Variants in DNAH11 observed in about 807,000 individuals in gnomAD.
DNAH11 encodes axonemal beta dynein heavy chain 11.
Under a neutral mutation model 526.0 loss-of-function variants are expected in DNAH11, and 442 were observed. The observed-to-expected ratio is 0.84, with a 90% CI of 0.78 to 0.91. The LOEUF (loss-of-function observed/expected upper bound fraction) is 0.91. DNAH11 is among the 40% of genes least tolerant of loss of function. DNAH11 has a pLI of 0.00. For missense variants in DNAH11, 6,989 were observed against 5,448.7 expected (o/e 1.28, Z -8.90); for synonymous variants, 2,461 against 1,935.9 (o/e 1.27, Z -7.12).
chr7:21,660,730 CAT>C (rs756263027), intron 30 of DNAH11, among the ~76,000 whole-genome samples: 11 of 151,834 alleles, frequency 7.2e-5, no homozygotes, highest in African/African-American at 2.4e-4. Context: ...TAGGTATAAA[CAT>C]GTATAAATCT....
intron 55 of DNAH11, among the ~76,000 whole-genome samples, chr7:21,766,810 T>C (rs2127974382): frequency 6.6e-6 from 1 of 152,204 alleles, no homozygotes; most frequent in Non-Finnish European, 1.5e-5. Flanking sequence ...TTTAGTCTTT[T>C]CCTGAAATGT....
intron 65 of DNAH11, among the ~76,000 whole-genome samples, chr7:21,823,853 A>C (rs1790158335): frequency 6.6e-6 from 1 of 152,228 alleles, no homozygotes; most frequent in Non-Finnish European, 1.5e-5. Flanking sequence ...ACTAAAAAGC[A>C]GGAACTCCGA....
At chr7:21,673,434 T>C (rs1289461218) in intron 30 of DNAH11, among the ~76,000 whole-genome samples, 4 of 152,192 alleles carry the variant, frequency 2.6e-5, no homozygotes, top group Non-Finnish European at 5.9e-5. Flanking sequence ...GTCAGTGCTT[T>C]TATTATCTGC....
intron 76 of DNAH11, among the ~76,000 whole-genome samples, chr7:21,885,150 G>A (rs188446194): frequency 3.5e-3 from 391 of 111,226 alleles, no homozygotes; most frequent in African/African-American, 0.011. Flanking sequence ...ACCTTATTTG[G>A]ATCTTGTTCC....
chr7:21,606,222 C>G (rs1785274266), intron 18 of DNAH11, among the ~76,000 whole-genome samples: 1 of 151,876 alleles, frequency 6.6e-6, no homozygotes, highest in Non-Finnish European at 1.5e-5. Flanking sequence ...ACTGGGGAGA[C>G]TGAGCTGGGA....
intron 65 of DNAH11, among the ~76,000 whole-genome samples, chr7:21,828,995 C>T (rs753458798): frequency 1.3e-5 from 2 of 152,066 alleles, no homozygotes; most frequent in Admixed American, 6.6e-5. Flanking sequence ...AACCTTTCTT[C>T]GGGAAATGGG....
intron 22 of DNAH11, among the ~76,000 whole-genome samples, chr7:21,617,331 C>A (rs144313857): frequency 6.2e-4 from 94 of 152,286 alleles, no homozygotes; most frequent in African/African-American, 2.2e-3. Flanking sequence ...CTTCATTGCA[C>A]GTGTCCTGTG....
At position 21,784,309 on chromosome 7, in the gene DNAH11, G is replaced by A. The variant is rs561342187; in HGVS notation, c.9484-118G>A. 1.1e-4 allele frequency: 85 copies of A among 797,838 alleles called. No individual in the cohort carries two copies. In the East Asian group the frequency reaches 1.9e-3, roughly 18 times the overall value. 49.4% of individuals were successfully genotyped at this position (797,838 alleles called of 1,614,324 possible). On this transcript the variant is annotated intron_variant, in intron 57 of 81. Transcript: ENST00000409508. ...AGTCTGTTTAACAAATTCCTCACCTGTTCAAAGTACAGAGAAATGAATTAT... is the reference window on the plus strand; with the variant it reads ...AGTCTGTTTAACAAATTCCTCACCTATTCAAAGTACAGAGAAATGAATTAT...
chr7:21,549,214 A>G (rs1339747580), intron 2 of DNAH11, among the ~76,000 whole-genome samples: 1 of 152,094 alleles, frequency 6.6e-6, no homozygotes. Flanking sequence ...TTCCCCATGC[A>G]TCCTTGTCCC....
rs770708687 is a variant in DNAH11, at chr7:21,588,628, C to T, written c.1965C>T (p.Leu655=). ...TGTTTTGGTCAAACTTCGCATCTCT[C>T]CGTTATCTGTAAGTAGTTAAGCTTA... ...LQMFWSNFAS[L]RYLFLGNPDH... Residue 655 remains leucine, a synonymous_variant, in exon 11 of 82, where the codon CTC becomes CTT. Coordinates refer to ENST00000409508, the MANE Select transcript of DNAH11 (RefSeq NM_001277115.2). 6.2e-7 allele frequency: 1 copy of T among 1,613,106 alleles called. No homozygotes were observed. The highest frequency in any genetic ancestry group is 8.5e-7 in the Non-Finnish European group (1 of 1,179,178).
rs759050942 is a variant in DNAH11, at chr7:21,570,163, T to C, written c.1289T>C (p.Phe430Ser). 5.6e-6 allele frequency: 9 copies of C among 1,613,322 alleles called. No individual in the cohort carries two copies. In the African/African-American group the frequency reaches 1.2e-4, roughly 22 times the overall value. ...VQVAVNILKT[F>S]KNSFFNYRKK... Reference sequence around the variant, plus strand: ...GTGGCTGTTAACATCTTAAAGACTTTCAAAAACTCCTTTTTCAACTATAGA... The same window carrying C: ...GTGGCTGTTAACATCTTAAAGACTTCCAAAAACTCCTTTTTCAACTATAGA... The change falls in exon 7 of 82, where the codon TTC becomes TCC. Residue 430 changes from phenylalanine (F) to serine (S), a missense_variant. Physicochemically the swap from Phe to Ser is radical, Grantham distance 155. Coordinates refer to ENST00000409508, the MANE Select transcript of DNAH11 (RefSeq NM_001277115.2).
rs777903360 is a variant in DNAH11, at chr7:21,861,862, G to C, written c.11212G>C (p.Val3738Leu). 4 of 1,611,226 alleles carry C rather than the reference G, an allele frequency of 2.5e-6. No individual in the cohort carries two copies. The highest frequency in any genetic ancestry group is 2.2e-5 in the East Asian group (1 of 44,722). Residue 3738 changes from valine to leucine, a missense_variant, in exon 69 of 82, where the codon GTG becomes CTG. Transcript: ENST00000409508. ...LYQFSLKAFN[V>L]LFHRAIEQAD... ...ACATTAAATTTCCCAGGCTTTTAAC[G>C]TGCTGTTCCACAGAGCGATCGAGCA...
intron 77 of DNAH11, among the ~76,000 whole-genome samples, chr7:21,894,344 A>C (rs1784431789): frequency 6.6e-6 from 1 of 152,212 alleles, no homozygotes; most frequent in Non-Finnish European, 1.5e-5. Flanking sequence ...TTAAGTGAGT[A>C]AACTGCAAAC....
At chr7:21,801,099 C>G (rs758440040) in intron 61 of DNAH11, 38 bp from the exon 62 acceptor site, 2 of 1,571,214 alleles carry the variant, frequency 1.3e-6, no homozygotes, top group Non-Finnish European at 1.7e-6. Flanking sequence ...TCTGTTTTAA[C>G]TAAAAATGAC....
chr7:21,564,466 A>T (rs1456667314), intron 6 of DNAH11, 69 bp downstream of exon 6: 1 of 1,144,948 alleles, frequency 8.7e-7, no homozygotes, highest in Non-Finnish European at 1.3e-6. Flanking sequence ...AGACTAGTGA[A>T]GAATAATCTA....
intron 32 of DNAH11, among the ~76,000 whole-genome samples, chr7:21,686,100 T>G (rs1783365226): frequency 6.6e-6 from 1 of 152,234 alleles, no homozygotes; most frequent in Admixed American, 6.5e-5. Flanking sequence ...AAACATGCAA[T>G]GGATATAAAA....
At chr7:21,743,051 C>A (rs184562434) in intron 49 of DNAH11, among the ~76,000 whole-genome samples, 137 of 152,288 alleles carry the variant, frequency 9.0e-4, no homozygotes, top group Non-Finnish European at 4.4e-5. Context: ...ATCACGTTGC[C>A]CTCATGACAG....
intron 30 of DNAH11, among the ~76,000 whole-genome samples, chr7:21,676,015 G>A (rs1188880861): frequency 1.3e-5 from 2 of 152,138 alleles, no homozygotes; most frequent in Non-Finnish European, 2.9e-5. Context: ...ACATGAAGTG[G>A]TTGCTGTGGC....
At chr7:21,575,383 C>A (rs1784051046) in intron 8 of DNAH11, among the ~76,000 whole-genome samples, 1 of 152,182 alleles carries the variant, frequency 6.6e-6, no homozygotes, top group African/African-American at 2.4e-5. Flanking sequence ...ATATCAGAAT[C>A]TAAAATACAT....
Sources: gnomAD v4.1 joint callset for allele counts (sites outside exome capture counted in the v4.1 genomes callset) on GRCh38, gnomAD v4.1.1 for gene constraint, MANE v1.5 for transcripts, NCBI Gene and HGNC (gene_info 2026-07-23, HGNC 2026-07-21) for gene names.